Variants in MGA observed in about 807,000 individuals in gnomAD.
MGA encodes MAX dimerization protein MGA.
MGA carries 40 observed loss-of-function variants against 261.1 expected under a neutral mutation model. The observed-to-expected ratio is 0.15, with a 90% CI of 0.12 to 0.20. The LOEUF (loss-of-function observed/expected upper bound fraction) is 0.20. Among genes scored for constraint, MGA ranks in the 10% least tolerant of loss-of-function variants. MGA has a pLI of 1.00. For missense variants in MGA, 3,397 were observed against 3,630.5 expected (o/e 0.94, Z 1.65); for synonymous variants, 1,302 against 1,290.6 (o/e 1.01, Z -0.19).
Position 41,748,858 on chromosome 15 carries a change from C to T in MGA, c.5434C>T (p.Leu1812=). Reference sequence around the variant, plus strand: ...CCCTAATGGGCAGATTGTCCAGCTTCTACCTTTGCATCAGCTTCGAGGCTC... The same window carrying T: ...CCCTAATGGGCAGATTGTCCAGCTTTTACCTTTGCATCAGCTTCGAGGCTC... Residue 1812 remains leucine (L), a synonymous_variant, in exon 16 of 24, where the codon CTA becomes TTA. Coordinates refer to ENST00000219905, the MANE Select transcript of MGA (RefSeq NM_001164273.2). 2 of 1,614,028 alleles carry T rather than the reference C, an allele frequency of 1.2e-6. No individual in the cohort carries two copies. Among genetic ancestry groups the T allele is most frequent in the Non-Finnish European group, 1.7e-6 (2 of 1,179,894 alleles).
intron 5 of MGA, among the ~76,000 whole-genome samples, chr15:41,700,619 A>G (rs1174468745): frequency 1.3e-5 from 2 of 151,956 alleles, no homozygotes; most frequent in Non-Finnish European, 2.9e-5. Flanking sequence ...TCTTTATTTT[A>G]TTGTAATGCA....
chr15:41,682,903 T>A (rs897958741), intron 2 of MGA, among the ~76,000 whole-genome samples: 1 of 152,202 alleles, frequency 6.6e-6, no homozygotes, highest in African/African-American at 2.4e-5. Flanking sequence ...ACATAGAATT[T>A]TAAGATGTTT....
chr15:41,633,136 A>T (rs1422036365), intron 1 of MGA, among the ~76,000 whole-genome samples: 2 of 151,916 alleles, frequency 1.3e-5, no homozygotes, highest in Non-Finnish European at 1.5e-5. Flanking sequence ...TTTTTAGTAG[A>T]GACGGGGTTT....
intron 1 of MGA, among the ~76,000 whole-genome samples, chr15:41,637,092 A>G (rs892207195): frequency 1.3e-5 from 2 of 152,180 alleles, no homozygotes; most frequent in African/African-American, 4.8e-5. Flanking sequence ...TACTTGAAGG[A>G]GGACAGCCAG....
chr15:41,753,531 C>G (rs2062972634), intron 17 of MGA, among the ~76,000 whole-genome samples: 1 of 152,128 alleles, frequency 6.6e-6, no homozygotes, highest in Non-Finnish European at 1.5e-5. Flanking sequence ...TCAGTAAACA[C>G]TTTGACTCCT....
intron 9 of MGA, among the ~76,000 whole-genome samples, chr15:41,726,462 C>G (rs567799054): frequency 2.0e-5 from 3 of 152,166 alleles, no homozygotes; most frequent in Non-Finnish European, 4.4e-5. Context: ...GGCATGGTGG[C>G]TCACAACTGT....
intron 2 of MGA, among the ~76,000 whole-genome samples, chr15:41,691,978 T>G (rs2059316361): frequency 1.3e-5 from 2 of 152,204 alleles, no homozygotes; most frequent in East Asian, 3.9e-4. Flanking sequence ...TCTTTTGCTT[T>G]TGGAAGATTT....
At chr15:41,626,266 T>G (rs2056447987) in intron 1 of MGA, among the ~76,000 whole-genome samples, 1 of 149,118 alleles carries the variant, frequency 6.7e-6, no homozygotes, top group Admixed American at 6.8e-5. Context: ...TGAATTGGAT[T>G]AGAAAAAACT....
Position 41,702,559 on chromosome 15 carries a change from TTCTGAGC to T in MGA, c.2188+3402_2188+3408del, listed in dbSNP as rs1263522034. On this transcript the variant is annotated intron_variant, in intron 5 of 23. Coordinates refer to ENST00000219905, the MANE Select transcript of MGA (RefSeq NM_001164273.2). ...AATTAGAAAATAGCAGTTAAACTTC[TTCTGAGC>T]TGAAAACCCTTGAAAAACTAGAAAA... 2.6e-5 allele frequency among the ~76,000 whole-genome samples: 4 copies of T among 152,344 alleles called. No individual in the cohort carries two copies. The South Asian group carries it at 6.2e-4, about 24-fold the overall frequency.
chr15:41,718,586 G>T, intron 9 of MGA: 1 of 363,356 alleles, frequency 2.8e-6, no homozygotes, highest in East Asian at 3.8e-5. Flanking sequence ...GCTTCTCGAA[G>T]TGAGCATCAA....
rs2061788677 is a variant in MGA, at chr15:41,736,574, T to C, written c.4310T>C (p.Leu1437Pro). Residue 1437 changes from leucine (L) to proline (P), a missense_variant, in exon 13 of 24, where the codon CTG becomes CCG. Coordinates refer to ENST00000219905, the MANE Select transcript of MGA (RefSeq NM_001164273.2). Reference sequence around the variant, plus strand: ...ATCTCTCCTGTGCAGACAGATGCCCTGGATTCAGTGAGGGAGAGATTACAT... The same window carrying C: ...ATCTCTCCTGTGCAGACAGATGCCCCGGATTCAGTGAGGGAGAGATTACAT... 1 of 1,614,038 alleles carries C rather than the reference T, an allele frequency of 6.2e-7. No homozygotes were observed. The highest frequency in any genetic ancestry group is 8.5e-7 in the Non-Finnish European group (1 of 1,179,894).
rs746290876 is a variant in MGA, at chr15:41,767,186, A to G, written c.9104A>G (p.Gln3035Arg). Residue 3035 changes from glutamine (Q) to arginine (R), a missense_variant, in exon 24 of 24, where the codon CAG becomes CGG. Physicochemically the swap from Gln to Arg is conservative, Grantham distance 43. Transcript: ENST00000219905. Reference sequence around the variant, plus strand: ...AAAATGAACTTAACAGGGAATGACCAGGAAGGCCGGGAAAGCAAGGTGATG... The same window carrying G: ...AAAATGAACTTAACAGGGAATGACCGGGAAGGCCGGGAAAGCAAGGTGATG... 5 of 1,613,904 alleles carry G rather than the reference A, an allele frequency of 3.1e-6. No individual in the cohort carries two copies. Among genetic ancestry groups the G allele is most frequent in the East Asian group, 4.5e-5 (2 of 44,892 alleles).
rs192271421 is a variant in MGA, at chr15:41,686,990, T to A, written c.1065-9085T>A. Among the ~76,000 whole-genome samples, 581 of 152,250 alleles carry A rather than the reference T, an allele frequency of 3.8e-3. 3 individuals carry two copies. The highest frequency in any genetic ancestry group is 0.013 in the African/African-American group (559 of 41,550). On this transcript the variant is annotated intron_variant, in intron 2 of 23. Transcript: ENST00000219905. Reference sequence around the variant, plus strand: ...TTACCTCATAAAACACGTTGCAAAGTGTTCTGTTTTCTGTATGTGCTGAGT... The same window carrying A: ...TTACCTCATAAAACACGTTGCAAAGAGTTCTGTTTTCTGTATGTGCTGAGT...
At chr15:41,741,871 C>T (rs2062124982) in intron 14 of MGA, among the ~76,000 whole-genome samples, 1 of 151,828 alleles carries the variant, frequency 6.6e-6, no homozygotes, top group East Asian at 2.0e-4. Flanking sequence ...GCCACCATGC[C>T]CTGGTAATTT....
intron 3 of MGA, among the ~76,000 whole-genome samples, chr15:41,697,804 T>A (rs1167388159): frequency 6.6e-6 from 1 of 152,220 alleles, no homozygotes; most frequent in Non-Finnish European, 1.5e-5. Context: ...TTGAAGTCTC[T>A]GTTTATTCCA....
At chr15:41,748,596 AG>A in intron 15 of MGA, 40 bp from the exon 16 acceptor site, 2 of 1,590,564 alleles carry the variant, frequency 1.3e-6, no homozygotes, top group Non-Finnish European at 1.7e-6. Context: ...CGTGTGTTAA[AG>A]GGGAATTTGG....
At position 41,713,388 on chromosome 15, in the gene MGA, C is replaced by A. The variant is rs1478400631; in HGVS notation, c.3322C>A (p.Pro1108Thr). ...TCAGAGGAAGGCTGCTCATCGAGAT[C>A]CAGTATTTTATGATACTCTGGGAGA... Residue 1108 changes from proline to threonine, a missense_variant, in exon 9 of 24, where the codon CCA becomes ACA. Pro to Thr is a conservative substitution (Grantham distance 38, BLOSUM62 -1). This residue lies in a region of MGA where 519 missense variants were observed against 554.1 expected (regional missense o/e 0.94). Coordinates refer to ENST00000219905, the MANE Select transcript of MGA (RefSeq NM_001164273.2). 2 of 1,607,596 alleles carry A rather than the reference C, an allele frequency of 1.2e-6. No homozygotes were observed. Among genetic ancestry groups the A allele is most frequent in the East Asian group, 2.2e-5 (1 of 44,738 alleles).
In MGA at chr15:41,749,593, T is replaced by C; in HGVS notation, c.5986T>C (p.Ser1996Pro). 6.2e-7 allele frequency: 1 copy of C among 1,613,766 alleles called. No individual in the cohort carries two copies. Among genetic ancestry groups the C allele is most frequent in the Non-Finnish European group, 8.5e-7 (1 of 1,179,848 alleles). ...GCAAGAAACGAAGAAGGTTCTACAG[T>C]CAGAAGGAGAGGCTGTAGACCCTGA... is the stretch of plus-strand genomic sequence containing the variant. The change falls in exon 17 of 24, where the codon TCA (serine) becomes CCA (proline). Residue 1996 changes from serine (S) to proline (P), a missense_variant. By Grantham distance (74) the Ser-to-Pro change is moderately conservative. Coordinates refer to ENST00000219905, the MANE Select transcript of MGA (RefSeq NM_001164273.2).
intron 9 of MGA, among the ~76,000 whole-genome samples, chr15:41,722,274 C>T (rs773821089): frequency 1.1e-4 from 16 of 151,996 alleles, no homozygotes; most frequent in Admixed American, 3.9e-4. Context: ...GGACTACAGG[C>T]GCCCGCCACC....
Sources: allele counts gnomAD v4.1 joint callset (sites outside exome capture counted in the v4.1 genomes callset), GRCh38; gene constraint gnomAD v4.1.1; regional missense constraint gnomAD v4.1.1; transcripts MANE v1.5; gene names NCBI Gene and HGNC (gene_info 2026-07-23, HGNC 2026-07-21).